CNNM2: variants seen among roughly 807,000 people sequenced by gnomAD.
CNNM2 encodes the protein metal transporter CNNM2.
Under a neutral mutation model 66.9 loss-of-function variants are expected in CNNM2, and 12 were observed. That is an observed-to-expected ratio of 0.18 (90% CI 0.11 to 0.29). CNNM2 has a LOEUF of 0.29. Ranked by LOEUF, CNNM2 falls within the 10% of genes least tolerant of loss-of-function variation. The probability of loss-of-function intolerance (pLI) is 1.00; values close to 1 mark genes in which losing one functional copy is unlikely to be tolerated. For missense variants in CNNM2, 705 were observed against 1,167.7 expected (o/e 0.60, Z 5.77); for synonymous variants, 557 against 501.8 (o/e 1.11, Z -1.47).
chr10:102,974,718 A>T (rs1307657868), intron 1 of CNNM2, among the ~76,000 whole-genome samples: 2 of 151,946 alleles, frequency 1.3e-5, no homozygotes, highest in Non-Finnish European at 2.9e-5. Context: ...AATTTTTTTC[A>T]TACAGGCAGG....
chr10:103,075,694 A>G (rs1345940809), intron 6 of CNNM2, among the ~76,000 whole-genome samples: 1 of 152,240 alleles, frequency 6.6e-6, no homozygotes, highest in Non-Finnish European at 1.5e-5. Flanking sequence ...GGGCAAAGTA[A>G]TGAAGTGCTG....
intron 1 of CNNM2, among the ~76,000 whole-genome samples, chr10:102,995,523 C>T (rs574212781): frequency 4.0e-4 from 60 of 151,644 alleles, no homozygotes; most frequent in African/African-American, 1.3e-3. Context: ...CTCTTTCTTG[C>T]TAACTCAGCT....
At chr10:102,976,811 T>C (rs533008794) in intron 1 of CNNM2, among the ~76,000 whole-genome samples, 1 of 151,898 alleles carries the variant, frequency 6.6e-6, no homozygotes, top group African/African-American at 2.4e-5. Flanking sequence ...TCTCTGAGCT[T>C]CAGGAAGACA....
chr10:102,990,101 C>T (rs2063872696), intron 1 of CNNM2, among the ~76,000 whole-genome samples: 1 of 151,922 alleles, frequency 6.6e-6, no homozygotes, highest in Admixed American at 6.6e-5. Flanking sequence ...TGTGCCACCA[C>T]ACCTGGCTAA....
intron 1 of CNNM2, among the ~76,000 whole-genome samples, chr10:103,025,117 C>T (rs750271111): frequency 4.6e-5 from 7 of 151,864 alleles, no homozygotes; most frequent in Admixed American, 2.0e-4. Flanking sequence ...TTTGAGACAG[C>T]GTCTCGCCCT....
chr10:103,020,064 G>T (rs2064540799), intron 1 of CNNM2, among the ~76,000 whole-genome samples: 2 of 151,986 alleles, frequency 1.3e-5, no homozygotes, highest in Non-Finnish European at 2.9e-5. Context: ...GTATGTCAGT[G>T]AGTTCAACTC....
chr10:102,923,123 CT>C (rs1845716471), intron 1 of CNNM2, among the ~76,000 whole-genome samples: 1 of 151,800 alleles, frequency 6.6e-6, no homozygotes, highest in Non-Finnish European at 1.5e-5. Flanking sequence ...TGTCTTCTTT[CT>C]TCTTCCTTTT....
chr10:103,023,843 A>G (rs982884277), intron 1 of CNNM2, among the ~76,000 whole-genome samples: 2 of 152,250 alleles, frequency 1.3e-5, no homozygotes, highest in Non-Finnish European at 2.9e-5. Context: ...GATTATAAAA[A>G]TGTGCAAAAA....
At chr10:102,925,471 T>C (rs1449648210) in intron 1 of CNNM2, among the ~76,000 whole-genome samples, 5 of 152,094 alleles carry the variant, frequency 3.3e-5, no homozygotes, top group Non-Finnish European at 7.4e-5. Context: ...AAAACTGGTC[T>C]AGTCAGCCCC....
chr10:103,043,464 A>T (rs1389273022), intron 1 of CNNM2, among the ~76,000 whole-genome samples: 1 of 152,234 alleles, frequency 6.6e-6, no homozygotes, highest in Non-Finnish European at 1.5e-5. Context: ...CTTAATCATA[A>T]TAAAAACAGT....
At chr10:102,921,348 G>T (rs1005643485) in intron 1 of CNNM2, among the ~76,000 whole-genome samples, 4 of 152,148 alleles carry the variant, frequency 2.6e-5, no homozygotes, top group African/African-American at 9.7e-5. Flanking sequence ...AAGGTGATAT[G>T]TACCTGGTGA....
intron 1 of CNNM2, among the ~76,000 whole-genome samples, chr10:103,028,597 A>G (rs186463780): frequency 2.6e-5 from 4 of 152,284 alleles, no homozygotes; most frequent in African/African-American, 7.2e-5. Context: ...TTTATGTACA[A>G]GGCCTTAGAT....
rs1316915139 is a variant in CNNM2, at chr10:103,078,411, A to T, written c.*1231A>T. On this transcript the variant is annotated 3_prime_UTR_variant, in exon 8 of 8. Coordinates refer to ENST00000369878, the MANE Select transcript of CNNM2 (RefSeq NM_017649.5). The stretch of plus-strand genomic sequence containing the variant: ...GAGGGCTCTGTGCCTCCTGCCTCAG[A>T]TGCGGCCTGTGCCAGAGAGGCTGCC... The T allele has an allele frequency of 6.6e-6, 1 of 152,248 alleles. No homozygotes were observed. Among genetic ancestry groups the T allele is most frequent in the Non-Finnish European group, 1.5e-5 (1 of 68,058 alleles). 9.4% of individuals were successfully genotyped at this position (152,248 alleles called of 1,614,324 possible). A position where few individuals can be genotyped will look rare whatever the true frequency, so the allele number is the denominator to read the frequency against.
In CNNM2 at chr10:103,076,203, C is replaced by T. The variant is rs1218026306; in HGVS notation, c.2351C>T (p.Ser784Phe). Residue 784 changes from serine (S) to phenylalanine (F), a missense_variant, in exon 7 of 8, where the codon TCT becomes TTT. Physicochemically the swap from Ser to Phe is radical, Grantham distance 155. Coordinates refer to ENST00000369878, the MANE Select transcript of CNNM2 (RefSeq NM_017649.5). ...GGGAGCAGCAATAACCAGCTCAATT[C>T]TTCGCTCCTCCAAGTCTACATCCCC... ...TLGSSNNQLN[S>F]SLLQVYIPDY... 4.4e-6 allele frequency: 7 copies of T among 1,591,240 alleles called. No individual in the cohort carries two copies. Among genetic ancestry groups the T allele is most frequent in the Admixed American group, 1.8e-5 (1 of 56,156 alleles).
intron 3 of CNNM2, among the ~76,000 whole-genome samples, chr10:103,055,735 C>T (rs373681523): frequency 1.3e-5 from 2 of 152,166 alleles, no homozygotes; most frequent in Non-Finnish European, 2.9e-5. Flanking sequence ...AAAGAACAGA[C>T]GATGTCTTTC....
Position 103,068,717 on chromosome 10 carries a change from C to T in CNNM2, c.2162C>T (p.Ser721Phe). The change falls in exon 5 of 8, where the codon TCT (serine) becomes TTT (phenylalanine). Residue 721 changes from serine (S) to phenylalanine (F), a missense_variant. By Grantham distance (155) the Ser-to-Phe change is radical. Around this residue, in one of 9 missense-constraint regions of CNNM2, gnomAD observed 194 missense variants for 227.6 expected, o/e 0.85. Transcript: ENST00000369878. ...TATGGCGTGATGGCCCTGACAGCCT[C>T]TCCAGGTATGTTTGGTTCCCAGCCG... ...SYYGVMALTA[S>F]PVPLSLSRTF... 4.3e-6 allele frequency: 7 copies of T among 1,611,912 alleles called. No homozygotes were observed. Among genetic ancestry groups the T allele is most frequent in the Non-Finnish European group, 5.9e-6 (7 of 1,178,990 alleles).
intron 1 of CNNM2, among the ~76,000 whole-genome samples, chr10:102,975,199 G>A (rs188528655): frequency 2.0e-5 from 3 of 152,152 alleles, no homozygotes; most frequent in East Asian, 3.9e-4. Flanking sequence ...TGTTTTAGAG[G>A]ATATAAAAAT....
chr10:103,058,558 A>G (rs1240323900), intron 4 of CNNM2, among the ~76,000 whole-genome samples: 1 of 152,218 alleles, frequency 6.6e-6, no homozygotes, highest in East Asian at 1.9e-4. Flanking sequence ...TGGAAAAGGG[A>G]CTTCATAATC....
In CNNM2 at chr10:103,082,958, AC is replaced by A. The variant is rs1220861549; in HGVS notation, c.*5780del. On this transcript the variant is annotated 3_prime_UTR_variant, in exon 8 of 8. Transcript: ENST00000369878. ...ACAGTGATAATGGTTTCTTCCACTTACCTTAGATTGCATAATCCATCTTTCT... is the reference window on the plus strand; with the variant it reads ...ACAGTGATAATGGTTTCTTCCACTTACTTAGATTGCATAATCCATCTTTCT... 1.3e-5 allele frequency: 2 copies of A among 150,968 alleles called. No homozygotes were observed. Among genetic ancestry groups the A allele is most frequent in the Admixed American group, 6.6e-5 (1 of 15,244 alleles). The allele number at this position is 150,968 out of a possible 1,614,324, so 9.4% of individuals were successfully genotyped here. A position where few individuals can be genotyped will look rare whatever the true frequency, so the allele number is the denominator to read the frequency against.
Sources: allele counts gnomAD v4.1 joint callset (sites outside exome capture counted in the v4.1 genomes callset), GRCh38; gene constraint gnomAD v4.1.1; regional missense constraint gnomAD v4.1.1; transcripts MANE v1.5; gene names NCBI Gene and HGNC (gene_info 2026-07-23, HGNC 2026-07-21).